The following DAAM1 variants were observed in gnomAD, a reference collection of about 807,000 sequenced individuals.
The protein encoded by DAAM1 is dishevelled associated activator of morphogenesis 1.
DAAM1 carries 52 observed loss-of-function variants against 130.0 expected under a neutral mutation model. The ratio of observed to expected loss-of-function variants is 0.40; its 90% CI spans 0.32 to 0.50. The LOEUF (loss-of-function observed/expected upper bound fraction) is 0.50. DAAM1 is among the 20% of genes least tolerant of loss of function. The pLI is 0.61. For synonymous variants in DAAM1, 452 were observed against 444.5 expected, an observed-to-expected ratio of 1.02 and a Z score of -0.21; for missense variants, 1,134 against 1,303.8, an observed-to-expected ratio of 0.87 and a Z score of 2.01.
intron 3 of DAAM1, among the ~76,000 whole-genome samples, chr14:59,298,181 T>G (rs908673317): frequency 6.6e-6 from 1 of 152,222 alleles, no homozygotes; most frequent in Non-Finnish European, 1.5e-5. Context: ...GGTCTGTTTC[T>G]CTGTCTCAAT....
At chr14:59,201,815 A>T (rs77959217) in intron 1 of DAAM1, among the ~76,000 whole-genome samples, 3,080 of 151,534 alleles carry the variant, frequency 0.02, 68 homozygotes, top group Non-Finnish European at 0.027. Flanking sequence ...AAAAAAATTC[A>T]TGTCCATTTT....
chr14:59,208,686 T>A (rs995794725), intron 1 of DAAM1, among the ~76,000 whole-genome samples: 3 of 152,144 alleles, frequency 2.0e-5, no homozygotes, highest in Admixed American at 2.0e-4. Flanking sequence ...ATCATTTGGA[T>A]GTTTGTCCCC....
At chr14:59,288,141 T>C (rs1175949292) in intron 2 of DAAM1, among the ~76,000 whole-genome samples, 2 of 152,184 alleles carry the variant, frequency 1.3e-5, no homozygotes, top group Non-Finnish European at 2.9e-5. Flanking sequence ...ACCTGATCTC[T>C]AACAAAGTTG....
chr14:59,359,301 A>G (rs960961502), intron 20 of DAAM1, 96 bp from the exon 21 acceptor site: 2 of 929,886 alleles, frequency 2.2e-6, no homozygotes, highest in South Asian at 1.8e-5. Context: ...CCATTTGAGC[A>G]TATAAATCAT....
chr14:59,202,546 C>T (rs933368446), intron 1 of DAAM1, among the ~76,000 whole-genome samples: 13 of 152,126 alleles, frequency 8.5e-5, no homozygotes, highest in Non-Finnish European at 1.3e-4. Context: ...TAGTGTTGAG[C>T]GTATACATTT....
intron 1 of DAAM1, among the ~76,000 whole-genome samples, chr14:59,243,106 A>G (rs773208801): frequency 3.9e-5 from 6 of 152,158 alleles, no homozygotes; most frequent in Non-Finnish European, 7.4e-5. Flanking sequence ...AGGGCTGGGA[A>G]CTACTTTGAT....
chr14:59,295,290 T>C (rs1190510436), intron 3 of DAAM1, among the ~76,000 whole-genome samples: 1 of 152,228 alleles, frequency 6.6e-6, no homozygotes, highest in Non-Finnish European at 1.5e-5. Context: ...CTGAGTGTGT[T>C]TGATTCTAAC....
intron 19 of DAAM1, among the ~76,000 whole-genome samples, chr14:59,354,276 G>A (rs970020677): frequency 5.3e-5 from 8 of 152,134 alleles, no homozygotes; most frequent in African/African-American, 1.4e-4. Context: ...TAGCCAGGAT[G>A]GTCTCAATCT....
In DAAM1 at chr14:59,263,441, C is replaced by T. The variant is rs761022306; in HGVS notation, c.-37C>T. 2.5e-5 allele frequency: 40 copies of T among 1,610,002 alleles called. No homozygotes were observed. Among genetic ancestry groups the T allele is most frequent in the East Asian group, 1.6e-4 (7 of 44,878 alleles). On this transcript the variant is annotated splice_region_variant and 5_prime_UTR_variant, in exon 2 of 25. Coordinates refer to ENST00000360909, the MANE Select transcript of DAAM1 (RefSeq NM_001270520.2). ...ACCATGTCATATCCTCTTTTTGCAG[C>T]GTTTAGTCACATCAAGAAATAGAAC...
rs1357338812 is a variant in DAAM1 at position 59,371,191 on chromosome 14, G to GT, written c.*2339dup. On this transcript the variant is annotated 3_prime_UTR_variant, in exon 25 of 25. Coordinates refer to ENST00000360909, the MANE Select transcript of DAAM1 (RefSeq NM_001270520.2). ...TGGGTGTGTATTTTAAACTTTTTTTGTTTTTTTAAATTAATGCCAAAAAGA... is the reference window on the plus strand; with the variant it reads ...TGGGTGTGTATTTTAAACTTTTTTTGTTTTTTTTAAATTAATGCCAAAAAGA... 6.7e-6 allele frequency: 1 copy of GT among 149,750 alleles called. No homozygotes were observed. Among genetic ancestry groups the GT allele is most frequent in the African/African-American group, 2.5e-5 (1 of 40,780 alleles). 9.3% of individuals were successfully genotyped at this position (149,750 alleles called of 1,614,324 possible).
chr14:59,299,991 A>G (rs1884108345), intron 3 of DAAM1: 1 of 152,170 alleles, frequency 6.6e-6, no homozygotes, highest in Admixed American at 6.6e-5. Context: ...GTCAACACCA[A>G]CTGAAGTCAA....
In DAAM1 at chr14:59,289,783, T is replaced by TATATATATATATATATATATATATATAA. The variant is rs966292211; in HGVS notation, c.184-1433_184-1432insTATATATATATATATATATATATATAAA. 2.1e-4 allele frequency among the ~76,000 whole-genome samples: 29 copies of TATATATATATATATATATATATATATAA among 135,286 alleles called. 1 individual carries two copies. Among genetic ancestry groups the TATATATATATATATATATATATATATAA allele is most frequent in the East Asian group, 6.1e-4 (3 of 4,906 alleles). 88.8% of individuals were successfully genotyped at this position (135,286 alleles called of 152,430 possible). A position where few individuals can be genotyped will look rare whatever the true frequency, so the allele number is the denominator to read the frequency against. The stretch of plus-strand genomic sequence containing the variant: ...ACAAAATGTGATATATATATATATA[T>TATATATATATATATATATATATATATAA]AATGGAATGCTATGCAATCATAAAA... On this transcript the variant is annotated intron_variant, in intron 2 of 24. Coordinates refer to ENST00000360909, the MANE Select transcript of DAAM1 (RefSeq NM_001270520.2).
intron 3 of DAAM1, among the ~76,000 whole-genome samples, chr14:59,313,971 C>G (rs1350935595): frequency 6.6e-6 from 1 of 152,202 alleles, no homozygotes; most frequent in African/African-American, 2.4e-5. Context: ...TTACTGCCAG[C>G]TTTTAAGGCA....
At chr14:59,365,262 A>G (rs1479857628) in intron 23 of DAAM1, among the ~76,000 whole-genome samples, 1 of 152,166 alleles carries the variant, frequency 6.6e-6, no homozygotes, top group South Asian at 2.1e-4. Context: ...CGTCATGATC[A>G]CTAGAATTCC....
intron 2 of DAAM1, among the ~76,000 whole-genome samples, chr14:59,269,270 A>C (rs137951960): frequency 3.0e-4 from 46 of 152,278 alleles, no homozygotes; most frequent in African/African-American, 1.1e-3. Flanking sequence ...CTTTTTCGTG[A>C]GGAGGGAGTT....
At chr14:59,341,115 C>G (rs1343213107) in intron 16 of DAAM1, among the ~76,000 whole-genome samples, 1 of 152,130 alleles carries the variant, frequency 6.6e-6, no homozygotes, top group African/African-American at 2.4e-5. Context: ...GAAGTTGATT[C>G]TTAGCCAGAT....
At chr14:59,299,237 C>G (rs1054754367) in intron 3 of DAAM1, among the ~76,000 whole-genome samples, 4 of 152,042 alleles carry the variant, frequency 2.6e-5, no homozygotes, top group African/African-American at 9.7e-5. Flanking sequence ...TAAATAGAAG[C>G]CAAATAAATA....
chr14:59,195,439 G>A (rs1364504491), intron 1 of DAAM1, among the ~76,000 whole-genome samples: 1 of 152,040 alleles, frequency 6.6e-6, no homozygotes, highest in South Asian at 2.1e-4. Flanking sequence ...CACCGCGCCT[G>A]GCCTCATCTT....
At chr14:59,247,432 G>A (rs1753242215) in intron 1 of DAAM1, among the ~76,000 whole-genome samples, 1 of 152,094 alleles carries the variant, frequency 6.6e-6, no homozygotes. Context: ...AGATGCCGTT[G>A]GGATTTTGAT....
Sources: gnomAD v4.1 joint callset for allele counts (sites outside exome capture counted in the v4.1 genomes callset) on GRCh38, gnomAD v4.1.1 for gene constraint, MANE v1.5 for transcripts, NCBI Gene and HGNC (gene_info 2026-07-23, HGNC 2026-07-21) for gene names.